The following PLCG2 variants were observed in gnomAD, a reference collection of about 807,000 sequenced individuals.
PLCG2 encodes 1-phosphatidylinositol 4,5-bisphosphate phosphodiesterase gamma-2.
In PLCG2, 69 loss-of-function variants were observed where a neutral mutation model predicts 175.6. That is an observed-to-expected ratio of 0.39 (90% CI 0.32 to 0.48). The LOEUF (loss-of-function observed/expected upper bound fraction) is 0.48, where lower values mean the gene tolerates loss of function less well. Among genes scored for constraint, PLCG2 ranks in the 20% least tolerant of loss-of-function variants. The pLI, the probability that PLCG2 is intolerant of heterozygous loss-of-function variation, is 0.91. For missense variants in PLCG2, 1,798 were observed against 1,650.9 expected (o/e 1.09, Z -1.54); for synonymous variants, 827 against 624.0 (o/e 1.33, Z -4.85).
intron 2 of PLCG2, among the ~76,000 whole-genome samples, chr16:81,794,482 A>G (rs1161708913): frequency 6.6e-6 from 1 of 152,190 alleles, no homozygotes; most frequent in Non-Finnish European, 1.5e-5. Context: ...GTGTCCATAA[A>G]TGTATTTGCC....
At chr16:81,896,452 C>T (rs1908894966) in intron 13 of PLCG2, among the ~76,000 whole-genome samples, 1 of 150,640 alleles carries the variant, frequency 6.6e-6, no homozygotes, top group African/African-American at 2.5e-5. Context: ...GTGGCATGTG[C>T]CTGTAGTCCC....
chr16:81,900,903 C>G (rs1909122280), intron 14 of PLCG2, 123 bp downstream of exon 14: 1 of 764,972 alleles, frequency 1.3e-6, no homozygotes. Flanking sequence ...ACTGCACAGG[C>G]TCAAATCTGC....
At chr16:81,929,188 T>G (rs1350480579) in intron 24 of PLCG2, among the ~76,000 whole-genome samples, 1 of 152,196 alleles carries the variant, frequency 6.6e-6, no homozygotes, top group Non-Finnish European at 1.5e-5. Flanking sequence ...TGATGTGTGC[T>G]GGGTTTCCTG....
Position 81,867,657 on chromosome 16 carries a change from G to T in PLCG2, c.480-1557G>T, listed in dbSNP as rs534057736. Among the ~76,000 whole-genome samples the T allele has an allele frequency of 5.3e-5, 8 of 151,982 alleles. No homozygotes were observed. The East Asian group carries it at 1.4e-3, about 26-fold the overall frequency. On this transcript the variant is annotated intron_variant, in intron 5 of 32. Coordinates refer to ENST00000564138, the MANE Select transcript of PLCG2 (RefSeq NM_002661.5). ...TGTTACTATTGTTACTGCTGCTGCT[G>T]CTCCTTTTGCCTGGGACGTGTTCTC... is the stretch of plus-strand genomic sequence containing the variant.
chr16:81,915,259 T>C (rs1402165107), intron 19 of PLCG2, among the ~76,000 whole-genome samples: 1 of 152,208 alleles, frequency 6.6e-6, no homozygotes, highest in Non-Finnish European at 1.5e-5. Context: ...CCTTGCCCTC[T>C]ACATATTTGT....
At chr16:81,908,308 C>G (rs990889265) in intron 16 of PLCG2, 108 bp from the exon 17 acceptor site, 7 of 1,032,814 alleles carry the variant, frequency 6.8e-6, no homozygotes, top group African/African-American at 3.2e-5. Flanking sequence ...AGGCTGGCCT[C>G]TCTATGTTAT....
intron 2 of PLCG2, chr16:81,767,613 A>G (rs1370445000): frequency 6.6e-6 from 1 of 152,172 alleles, no homozygotes; most frequent in Admixed American, 6.6e-5. Context: ...TGCATTCAGC[A>G]AAATTCACCC....
At chr16:81,917,469 G>C (rs1027069366) in intron 19 of PLCG2, among the ~76,000 whole-genome samples, 1 of 151,968 alleles carries the variant, frequency 6.6e-6, no homozygotes, top group African/African-American at 2.4e-5. Flanking sequence ...AGGAACCTCT[G>C]TACTGTTTTC....
At chr16:81,818,969 A>G (rs1478624369) in intron 2 of PLCG2, among the ~76,000 whole-genome samples, 1 of 138,596 alleles carries the variant, frequency 7.2e-6, no homozygotes, top group Non-Finnish European at 1.5e-5. Flanking sequence ...AACTTAGGGT[A>G]TTTCCAACAC....
chr16:81,774,150 G>A (rs1468469447), intron 2 of PLCG2, among the ~76,000 whole-genome samples: 5 of 133,480 alleles, frequency 3.7e-5, no homozygotes, highest in Admixed American at 8.4e-5. Context: ...TGGGTAACAC[G>A]GTGAAATCCC....
chr16:81,813,419 T>C (rs143393250), intron 2 of PLCG2, among the ~76,000 whole-genome samples: 7,140 of 152,298 alleles, frequency 0.047, 215 homozygotes, highest in South Asian at 0.088. Flanking sequence ...AGGTATTTTA[T>C]TCTCTTAGTA....
At chr16:81,849,534 G>C (rs571435753) in intron 2 of PLCG2, among the ~76,000 whole-genome samples, 1 of 152,052 alleles carries the variant, frequency 6.6e-6, no homozygotes, top group South Asian at 2.1e-4. Flanking sequence ...CGAGACAGGC[G>C]GATCACCTGA....
intron 20 of PLCG2, 82 bp from the exon 21 acceptor site, chr16:81,921,116 G>A (rs1357586336): frequency 2.4e-5 from 20 of 828,156 alleles, no homozygotes; most frequent in Non-Finnish European, 3.8e-5. Flanking sequence ...GTAACCATAA[G>A]GAAGCCTAGA....
At chr16:81,753,342 GTTTTTTTT>G (rs34438350) in intron 1 of PLCG2, among the ~76,000 whole-genome samples, 22 of 91,126 alleles carry the variant, frequency 2.4e-4, no homozygotes, top group Middle Eastern at 9.8e-3. Flanking sequence ...GTCCTGGCAG[GTTTTTTTT>G]TTTTTTTTTT....
chr16:81,786,311 A>G, intron 2 of PLCG2, 129 bp downstream of exon 2: 1 of 773,280 alleles, frequency 1.3e-6, no homozygotes, highest in Non-Finnish European at 2.0e-6. Context: ...TCGTCTTAAA[A>G]TGAAAGCATT....
At chr16:81,765,995 T>C (rs1032345225) in intron 2 of PLCG2, among the ~76,000 whole-genome samples, 18 of 152,248 alleles carry the variant, frequency 1.2e-4, no homozygotes, top group African/African-American at 4.3e-4. Flanking sequence ...GATGTGTGTT[T>C]GCTTGCTTGG....
rs1319909293 is a variant in PLCG2, at chr16:81,961,458, G to GA, written c.*3464dup. ...TTTATTGATTCAGCTCAATCCAGAG[G>GA]AAAATTTTAAAGGCTTACAGCCTTA... is the stretch of plus-strand genomic sequence containing the variant. On this transcript the variant is annotated 3_prime_UTR_variant, in exon 33 of 33. Transcript: ENST00000564138. The GA allele has an allele frequency of 8.9e-6, 2 of 225,268 alleles. No homozygotes were observed. Among genetic ancestry groups the GA allele is most frequent in the Non-Finnish European group, 1.8e-5 (2 of 113,314 alleles). The allele number at this position is 225,268 out of a possible 1,614,324, so 14.0% of individuals were successfully genotyped here.
intron 16 of PLCG2, 45 bp downstream of exon 16, chr16:81,907,819 C>T: frequency 6.9e-7 from 1 of 1,447,274 alleles, no homozygotes; most frequent in Non-Finnish European, 9.7e-7. Context: ...CCCCAGGAAC[C>T]CCGAGGACCA....
chr16:81,768,127 C>T (rs1286332133), intron 2 of PLCG2, among the ~76,000 whole-genome samples: 2 of 152,092 alleles, frequency 1.3e-5, no homozygotes, highest in Non-Finnish European at 1.5e-5. Flanking sequence ...TGACCCACCT[C>T]GGCCTCCAAA....
Sources: allele counts gnomAD v4.1 joint callset (sites outside exome capture counted in the v4.1 genomes callset), GRCh38; gene constraint gnomAD v4.1.1; transcripts MANE v1.5; gene names NCBI Gene and HGNC (gene_info 2026-07-23, HGNC 2026-07-21).